The following CLIC5 variants were observed in gnomAD, a reference collection of about 807,000 sequenced individuals.
CLIC5 encodes the protein CLIC family member 5.
Under a neutral mutation model 24.7 loss-of-function variants are expected in CLIC5, and 20 were observed. The ratio of observed to expected loss-of-function variants is 0.81; its 90% CI spans 0.57 to 1.18. The LOEUF is 1.18. Among genes scored for constraint, CLIC5 ranks in the 50% most tolerant of loss-of-function variants. The pLI, the probability that CLIC5 is intolerant of heterozygous loss-of-function variation, is 0.00. For missense variants in CLIC5, 341 were observed against 326.1 expected, an observed-to-expected ratio of 1.05 and a Z score of -0.35; for synonymous variants, 159 against 135.6, an observed-to-expected ratio of 1.17 and a Z score of -1.20.
At chr6:46,007,915 C>CT (rs11411756) in intron 1 of CLIC5, among the ~76,000 whole-genome samples, 49,481 of 139,146 alleles carry the variant, frequency 0.36, 9,408 homozygotes, top group Middle Eastern at 0.53. Flanking sequence ...TTTTCTTTTT[C>CT]TTTTTTTTTT....
intron 1 of CLIC5, among the ~76,000 whole-genome samples, chr6:45,973,056 A>G (rs1581809207): frequency 1.3e-5 from 2 of 152,160 alleles, no homozygotes; most frequent in East Asian, 3.9e-4. Context: ...TGAAGCTGAA[A>G]CTGGAGCTGA....
the CLIC5 span, among the ~76,000 whole-genome samples, chr6:46,096,502 A>G: frequency 6.6e-6 from 1 of 152,190 alleles, no homozygotes; most frequent in Non-Finnish European, 1.5e-5. Context: ...CTGGGATTAC[A>G]GACTCTTCTT....
chr6:45,953,797 C>A (rs971267418), intron 2 of CLIC5, among the ~76,000 whole-genome samples: 1 of 151,990 alleles, frequency 6.6e-6, no homozygotes, highest in Non-Finnish European at 1.5e-5. Flanking sequence ...AGATGAAGAC[C>A]AGTTTGAAGA....
intron 1 of CLIC5, among the ~76,000 whole-genome samples, chr6:46,026,396 A>G (rs1031855051): frequency 5.3e-5 from 8 of 152,194 alleles, no homozygotes; most frequent in African/African-American, 1.4e-4. Flanking sequence ...CTAGTGAGGC[A>G]GACACAGAGG....
intron 4 of CLIC5, among the ~76,000 whole-genome samples, chr6:45,916,847 C>A (rs553953386): frequency 1.4e-4 from 21 of 152,260 alleles, no homozygotes; most frequent in African/African-American, 4.6e-4. Context: ...TGGAAGGCAC[C>A]CTCTGTGTAT....
intron 1 of CLIC5, among the ~76,000 whole-genome samples, chr6:45,969,570 A>C (rs548516862): frequency 4.6e-5 from 7 of 151,984 alleles, no homozygotes; most frequent in Admixed American, 4.6e-4. Flanking sequence ...TATTGAATGG[A>C]GATGGCTGAA....
chr6:45,907,894 C>T (rs1762705758), intron 5 of CLIC5, among the ~76,000 whole-genome samples: 1 of 152,064 alleles, frequency 6.6e-6, no homozygotes, highest in Admixed American at 6.5e-5. Context: ...TACTTGTAGG[C>T]CTTTTATTTC....
intron 1 of CLIC5, among the ~76,000 whole-genome samples, chr6:45,975,853 T>C (rs1765367487): frequency 6.6e-6 from 1 of 151,230 alleles, no homozygotes; most frequent in African/African-American, 2.4e-5. Flanking sequence ...TGCTTAAAAG[T>C]CTTTGGCTTA....
the CLIC5 span, among the ~76,000 whole-genome samples, chr6:46,115,525 A>G: frequency 6.6e-6 from 1 of 152,186 alleles, no homozygotes; most frequent in Non-Finnish European, 1.5e-5. Context: ...GTTTTACTAT[A>G]AAGAGTTACA....
At chr6:45,915,592 C>T (rs1024824537) in intron 4 of CLIC5, among the ~76,000 whole-genome samples, 1 of 152,180 alleles carries the variant, frequency 6.6e-6, no homozygotes, top group Non-Finnish European at 1.5e-5. Context: ...AATGTGCAAC[C>T]CCCAGCTGCA....
Position 45,949,316 on chromosome 6 carries a change from T to A in CLIC5, c.239A>T (p.Asp80Val). 2 of 1,614,000 alleles carry A rather than the reference T, an allele frequency of 1.2e-6. No individual in the cohort carries two copies. Among genetic ancestry groups the A allele is most frequent in the South Asian group, 1.1e-5 (1 of 91,070 alleles). The change falls in exon 3 of 6, where the codon GAC becomes GTC. Residue 80 changes from aspartate to valine, a missense_variant. Coordinates refer to ENST00000339561, the MANE Select transcript of CLIC5 (RefSeq NM_016929.5). The part of the protein sequence containing the change: ...THPPFLTFNG[D>V]VKTDVNKIEE... Reference sequence around the variant, plus strand: ...GATCTTATTGACGTCTGTCTTCACGTCCCCGTTGAAGGTCAGGAAGGGCGG... The same window carrying A: ...GATCTTATTGACGTCTGTCTTCACGACCCCGTTGAAGGTCAGGAAGGGCGG...
chr6:45,994,336 T>C (rs968254653), intron 1 of CLIC5, among the ~76,000 whole-genome samples: 17 of 152,236 alleles, frequency 1.1e-4, no homozygotes, highest in Admixed American at 5.2e-4. Flanking sequence ...TCATGTCTTT[T>C]GCAGGGACAT....
At chr6:45,959,234 G>T (rs1214729502) in intron 1 of CLIC5, among the ~76,000 whole-genome samples, 1 of 152,190 alleles carries the variant, frequency 6.6e-6, no homozygotes, top group Non-Finnish European at 1.5e-5. Context: ...TTTAAAGATT[G>T]TTGAGGATCC....
At chr6:45,934,407 G>A (rs1017778537) in intron 4 of CLIC5, 8 of 145,986 alleles carry the variant, frequency 5.5e-5, no homozygotes, top group Non-Finnish European at 1.2e-4. Context: ...GTGGAAATAA[G>A]AGAGAAAAGT....
At chr6:45,890,490 T>C (rs1762339246) in intron 6 of CLIC5, among the ~76,000 whole-genome samples, 1 of 152,192 alleles carries the variant, frequency 6.6e-6, no homozygotes, top group Admixed American at 6.5e-5. Flanking sequence ...CAGCCATTTT[T>C]GGAAACAGTA....
chr6:46,015,898 G>T (rs937349823), upstream of CLIC5: 36 of 1,022,306 alleles, frequency 3.5e-5, no homozygotes, highest in Non-Finnish European at 4.1e-5. Context: ...ATAGCCGGCG[G>T]CTGCAGGGCG....
At chr6:45,881,798 C>A (rs1437069968) in intron 6 of CLIC5, among the ~76,000 whole-genome samples, 1 of 152,112 alleles carries the variant, frequency 6.6e-6, no homozygotes, top group African/African-American at 2.4e-5. Context: ...TCCTTCCACC[C>A]CAGGCTGCCC....
intron 1 of CLIC5, among the ~76,000 whole-genome samples, chr6:46,067,746 A>T (rs1170809749): frequency 6.6e-6 from 1 of 152,148 alleles, no homozygotes; most frequent in Admixed American, 6.6e-5. Context: ...AGTGCCTGAG[A>T]ACTAAAGAGA....
chr6:46,033,488 G>A (rs9463172), intron 1 of CLIC5, among the ~76,000 whole-genome samples: 37,880 of 151,986 alleles, frequency 0.25, 5,739 homozygotes, highest in African/African-American at 0.43. Flanking sequence ...GATAACCTCC[G>A]TGGGCTCATG....
Sources: allele counts gnomAD v4.1 joint callset (sites outside exome capture counted in the v4.1 genomes callset), GRCh38; gene constraint gnomAD v4.1.1; transcripts MANE v1.5; gene names NCBI Gene and HGNC (gene_info 2026-07-23, HGNC 2026-07-21).